Variants in ASXL3 observed in about 807,000 individuals in gnomAD.
ASXL3 encodes the protein putative Polycomb group protein ASXL3.
A neutral mutation model predicts 170.6 loss-of-function variants in ASXL3; 34 were observed. The ratio of observed to expected loss-of-function variants is 0.20; its 90% CI spans 0.15 to 0.27. ASXL3 has a LOEUF of 0.27. Among genes scored for constraint, ASXL3 ranks in the 10% least tolerant of loss-of-function variants. ASXL3 has a pLI of 1.00. For synonymous variants in ASXL3, 1,002 were observed against 989.1 expected (o/e 1.01, Z -0.24); for missense variants, 2,592 against 2,695.3 (o/e 0.96, Z 0.85).
At chr18:33,643,604 A>T (rs2065877015) in intron 2 of ASXL3, among the ~76,000 whole-genome samples, 1 of 151,916 alleles carries the variant, frequency 6.6e-6, no homozygotes, top group African/African-American at 2.4e-5. Flanking sequence ...TATGACCATG[A>T]TGTATATATA....
At chr18:33,613,344 T>G (rs2065367876) in intron 2 of ASXL3, among the ~76,000 whole-genome samples, 1 of 152,110 alleles carries the variant, frequency 6.6e-6, no homozygotes, top group Non-Finnish European at 1.5e-5. Flanking sequence ...TCTGGTTATC[T>G]TATCCCAAGT....
Position 33,669,033 on chromosome 18 carries a change from G to A in ASXL3, c.478-1640G>A, listed in dbSNP as rs17666165. Among the ~76,000 whole-genome samples the A allele has an allele frequency of 2.3e-3, 345 of 152,168 alleles. 4 individuals carry two copies. The East Asian group carries it at 0.053, about 24-fold the overall frequency. On this transcript the variant is annotated intron_variant, in intron 5 of 11. Transcript: ENST00000269197. ...TATGCAGGTTTAATTGTTTTGTGAA[G>A]TCTTACATAATGGGCAAAGATGGAC...
At chr18:33,581,952 C>T (rs1426828521) in intron 1 of ASXL3, among the ~76,000 whole-genome samples, 2 of 152,100 alleles carry the variant, frequency 1.3e-5, no homozygotes, top group East Asian at 3.9e-4. Flanking sequence ...TTTCTTCTGC[C>T]CTGCATCAGT....
chr18:33,744,052 G>A lies in ASXL3; in HGVS notation c.4204G>A (p.Ala1402Thr). The change falls in exon 12 of 12, where the codon GCG (alanine) becomes ACG (threonine). Residue 1402 changes from alanine to threonine, a missense_variant. By Grantham distance (58) the Ala-to-Thr change is moderately conservative. This residue lies in a region of ASXL3 where 2,246 missense variants were observed against 2,219.6 expected (regional missense o/e 1.01). Transcript: ENST00000269197. Reference protein sequence around the residue: ...RAALSCSDSVAVTDSLVAHPT... With the variant: ...RAALSCSDSVTVTDSLVAHPT... ...AGCCCTCAGCTGCAGTGATTCTGTA[G>A]CGGTCACAGACTCTCTGGTTGCACA... is the stretch of plus-strand genomic sequence containing the variant. 1 of 1,614,034 alleles carries A rather than the reference G, an allele frequency of 6.2e-7. No homozygotes were observed. Among genetic ancestry groups the A allele is most frequent in the Non-Finnish European group, 8.5e-7 (1 of 1,179,900 alleles).
intron 1 of ASXL3, among the ~76,000 whole-genome samples, chr18:33,596,153 G>T (rs945573814): frequency 6.6e-6 from 1 of 152,076 alleles, no homozygotes; most frequent in African/African-American, 2.4e-5. Flanking sequence ...TAGAAACAGG[G>T]TAGGCAGCGG....
chr18:33,584,917 T>C lies in ASXL3; in HGVS notation c.54+6232T>C, dbSNP rs1450509501. On this transcript the variant is annotated intron_variant, in intron 1 of 11. Transcript: ENST00000269197. ...GTATGTGTGTCTGTATGTGTGTGTGTATACTTTTTTTTTTCTATGTAACTT... is the reference window on the plus strand; with the variant it reads ...GTATGTGTGTCTGTATGTGTGTGTGCATACTTTTTTTTTTCTATGTAACTT... 3.9e-5 allele frequency among the ~76,000 whole-genome samples: 6 copies of C among 152,112 alleles called. No homozygotes were observed. In the East Asian group the frequency reaches 1.2e-3, roughly 29 times the overall value.
intron 4 of ASXL3, among the ~76,000 whole-genome samples, chr18:33,648,344 C>T (rs975348885): frequency 5.3e-5 from 8 of 152,012 alleles, no homozygotes; most frequent in African/African-American, 1.9e-4. Flanking sequence ...CTGGTAGATC[C>T]AGCAGAAGCT....
At chr18:33,612,086 A>G (rs976201623) in intron 2 of ASXL3, among the ~76,000 whole-genome samples, 1 of 151,998 alleles carries the variant, frequency 6.6e-6, no homozygotes, top group African/African-American at 2.4e-5. Flanking sequence ...ATTACAAGAT[A>G]CCTGTCATTA....
intron 2 of ASXL3, among the ~76,000 whole-genome samples, chr18:33,633,446 A>G (rs1019881817): frequency 6.6e-6 from 1 of 152,210 alleles, no homozygotes; most frequent in South Asian, 2.1e-4. Flanking sequence ...TTATAATTAA[A>G]CTAATTTGCA....
At chr18:33,588,385 A>T (rs2065051372) in intron 1 of ASXL3, among the ~76,000 whole-genome samples, 1 of 151,636 alleles carries the variant, frequency 6.6e-6, no homozygotes, top group African/African-American at 2.4e-5. Context: ...GAGGTCATAA[A>T]GTATTTCATA....
intron 8 of ASXL3, among the ~76,000 whole-genome samples, chr18:33,719,952 G>C (rs2067231821): frequency 6.6e-6 from 1 of 152,018 alleles, no homozygotes; most frequent in East Asian, 1.9e-4. Flanking sequence ...CATCTTCAGG[G>C]TTGTTGAAAG....
rs773407667 is a variant in ASXL3, at chr18:33,746,169, A to G, written c.6321A>G (p.Glu2107=). ...GMKQVSYDQN[E]MKEQLKAFAL... ...AACAAGTTTCCTATGACCAGAATGAAATGAAAGAACAGTTAAAAGCATTCG... is the reference window on the plus strand; with the variant it reads ...AACAAGTTTCCTATGACCAGAATGAGATGAAAGAACAGTTAAAAGCATTCG... The change falls in exon 12 of 12, where the codon GAA becomes GAG. Residue 2107 remains glutamate (E), a synonymous_variant. Coordinates refer to ENST00000269197, the MANE Select transcript of ASXL3 (RefSeq NM_030632.3). The G allele has an allele frequency of 7.4e-6, 12 of 1,613,788 alleles. No individual in the cohort carries two copies. In the South Asian group the frequency reaches 1.1e-4, roughly 15 times the overall value.
chr18:33,742,529 A>AAGAT (rs1213872465), intron 11 of ASXL3, among the ~76,000 whole-genome samples: 1 of 152,214 alleles, frequency 6.6e-6, no homozygotes, highest in African/African-American at 2.4e-5. Context: ...GCCACTAAAA[A>AAGAT]AGATATTTCA....
chr18:33,734,900 T>C (rs2067518436), intron 10 of ASXL3, among the ~76,000 whole-genome samples: 1 of 152,176 alleles, frequency 6.6e-6, no homozygotes, highest in African/African-American at 2.4e-5. Context: ...ATGTCATCTG[T>C]CTTTATTATC....
chr18:33,718,955 G>T (rs1019781509), intron 8 of ASXL3, among the ~76,000 whole-genome samples: 3 of 151,868 alleles, frequency 2.0e-5, no homozygotes, highest in Admixed American at 6.6e-5. Context: ...ATCTCAGCTT[G>T]TTGAGAACTT....
intron 1 of ASXL3, among the ~76,000 whole-genome samples, chr18:33,594,203 G>A (rs2065104384): frequency 6.6e-6 from 1 of 152,170 alleles, no homozygotes; most frequent in Non-Finnish European, 1.5e-5. Flanking sequence ...ATTTAATAAT[G>A]CTGAATGGCA....
intron 2 of ASXL3, among the ~76,000 whole-genome samples, chr18:33,632,040 T>C (rs2065685346): frequency 6.6e-6 from 1 of 152,158 alleles, no homozygotes; most frequent in East Asian, 1.9e-4. Context: ...TTTTCTCATC[T>C]TTTCTTCAAT....
At position 33,661,722 on chromosome 18, in the gene ASXL3, A is replaced by G. The variant is rs754129269; in HGVS notation, c.462A>G (p.Lys154=). The G allele has an allele frequency of 5.0e-6, 8 of 1,612,816 alleles. No homozygotes were observed. In the Admixed American group the frequency reaches 1.3e-4, roughly 27 times the overall value. ...KLVSSFQQHT[K]KALKQALRQQ... is the part of the protein sequence containing the mutation. ...TGTCTTCCTTCCAGCAGCACACCAA[A>G]AAGGCTCTTAAACAGGTAAGATAGC... The change falls in exon 5 of 12, where the codon AAA becomes AAG. Residue 154 remains lysine, a synonymous_variant. Transcript: ENST00000269197.
At position 33,746,278 on chromosome 18, in the gene ASXL3, G is replaced by A. The variant is rs750203320; in HGVS notation, c.6430G>A (p.Val2144Met). ...FTQLAAQKMQ[V>M]QQQQQLCGNY... ...CCAATTAGCTGCTCAGAAAATGCAG[G>A]TGCAGCAACAACAGCAGCTCTGTGG... The change falls in exon 12 of 12, where the codon GTG becomes ATG. Residue 2144 changes from valine to methionine, a missense_variant. Val to Met is a conservative substitution (Grantham distance 21, BLOSUM62 1). Transcript: ENST00000269197. The A allele has an allele frequency of 3.7e-6, 6 of 1,613,870 alleles. No individual in the cohort carries two copies. The highest frequency in any genetic ancestry group is 1.3e-5 in the African/African-American group (1 of 74,914).
Sources: gnomAD v4.1 joint callset for allele counts (sites outside exome capture counted in the v4.1 genomes callset) on GRCh38, gnomAD v4.1.1 for gene constraint, gnomAD v4.1.1 regional missense constraint, MANE v1.5 for transcripts, NCBI Gene and HGNC (gene_info 2026-07-23, HGNC 2026-07-21) for gene names.